The following ABI2 variants were observed in gnomAD, a reference collection of about 807,000 sequenced individuals.
ABI2 encodes abl interactor 2.
In ABI2, 25 loss-of-function variants were observed where a neutral mutation model predicts 59.2. That is an observed-to-expected ratio of 0.42 (90% CI 0.31 to 0.59). The LOEUF is 0.59. ABI2 is among the 20% of genes least tolerant of loss of function. The pLI, the probability that ABI2 is intolerant of heterozygous loss-of-function variation, is 0.14. For synonymous variants in ABI2, 213 were observed against 235.5 expected, an observed-to-expected ratio of 0.90 and a Z score of 0.87; for missense variants, 545 against 681.8, an observed-to-expected ratio of 0.80 and a Z score of 2.23.
At chr2:203,412,405 G>A (rs1323700674) in intron 10 of ABI2, among the ~76,000 whole-genome samples, 2 of 152,134 alleles carry the variant, frequency 1.3e-5, no homozygotes, top group African/African-American at 4.8e-5. Flanking sequence ...TCTAGATGTG[G>A]TTGTATTTTA....
intron 1 of ABI2, among the ~76,000 whole-genome samples, chr2:203,357,440 G>A (rs1419426972): frequency 6.6e-6 from 1 of 152,156 alleles, no homozygotes; most frequent in Non-Finnish European, 1.5e-5. Flanking sequence ...CACAAATGTA[G>A]CAAATACCTA....
chr2:203,366,299 A>G lies in ABI2; in HGVS notation c.118-578A>G, dbSNP rs959686305. Among the ~76,000 whole-genome samples, 3 of 152,174 alleles carry G rather than the reference A, an allele frequency of 2.0e-5. No homozygotes were observed. The South Asian group carries it at 6.2e-4, about 32-fold the overall frequency. On this transcript the variant is annotated intron_variant, in intron 1 of 11. Coordinates refer to ENST00000261018, the MANE Select transcript of ABI2 (RefSeq NM_001375670.1). ...ATGGCAATTTACATCTTTTAGGGTT[A>G]TAACACTTACAATGTTTGGGAAGGA...
At chr2:203,360,382 C>T (rs182578948) in intron 1 of ABI2, among the ~76,000 whole-genome samples, 33 of 151,698 alleles carry the variant, frequency 2.2e-4, no homozygotes, top group Admixed American at 1.4e-3. Flanking sequence ...AAACAAAAGG[C>T]GAAGTGTTGG....
At chr2:203,358,793 TA>T (rs1171836315) in intron 1 of ABI2, among the ~76,000 whole-genome samples, 14 of 152,132 alleles carry the variant, frequency 9.2e-5, no homozygotes, top group Non-Finnish European at 1.5e-5. Context: ...GCAGATCACT[TA>T]AATCCATGAG....
intron 11 of ABI2, 24 bp downstream of exon 11, chr2:203,417,105 A>G (rs745486722): frequency 6.3e-7 from 1 of 1,582,236 alleles, no homozygotes; most frequent in South Asian, 1.2e-5. Flanking sequence ...GGATATCTGG[A>G]TAGATGGGAA....
intron 4 of ABI2, among the ~76,000 whole-genome samples, chr2:203,383,848 G>A (rs1178225940): frequency 6.6e-6 from 1 of 152,044 alleles, no homozygotes; most frequent in Non-Finnish European, 1.5e-5. Context: ...AGACCTAGTC[G>A]TTTTTCTTTC....
At chr2:203,367,690 C>T (rs997693282) in intron 2 of ABI2, among the ~76,000 whole-genome samples, 5 of 152,016 alleles carry the variant, frequency 3.3e-5, no homozygotes, top group African/African-American at 1.2e-4. Context: ...TCCTTGTAAT[C>T]CTTTTTCCTG....
At chr2:203,328,656 G>T (rs1419766276) in intron 1 of ABI2, 25 bp downstream of exon 1, 3 of 1,487,748 alleles carry the variant, frequency 2.0e-6, no homozygotes, top group East Asian at 2.7e-5. Context: ...CAGCTGGGCC[G>T]CGTCGGGGAC....
chr2:203,360,471 T>C (rs1054957110), intron 1 of ABI2, among the ~76,000 whole-genome samples: 2 of 151,990 alleles, frequency 1.3e-5, no homozygotes, highest in Non-Finnish European at 2.9e-5. Flanking sequence ...ACAAATTTGG[T>C]GGTTTGGGAT....
chr2:203,350,921 A>G (rs528547024), intron 1 of ABI2, among the ~76,000 whole-genome samples: 1 of 151,946 alleles, frequency 6.6e-6, no homozygotes, highest in Admixed American at 6.6e-5. Context: ...GGTGTTATAT[A>G]TAAGAAACTA....
At chr2:203,377,848 G>A (rs1037357397) in intron 2 of ABI2, among the ~76,000 whole-genome samples, 1 of 152,214 alleles carries the variant, frequency 6.6e-6, no homozygotes, top group African/African-American at 2.4e-5. Flanking sequence ...CGAGGATGCA[G>A]TGAGCCATGA....
Position 203,402,652 on chromosome 2 carries a change from C to T in ABI2, c.1110C>T (p.Pro370=). The change falls in exon 9 of 12, where the codon CCC becomes CCT. Residue 370 remains proline, a synonymous_variant. Transcript: ENST00000261018. ...CCCCAACAATAGGGGGCTCGTTGCC[C>T]TATAGACGCCCTCCTTCCATTACTT... The part of the protein sequence containing the change: ...HTPPTIGGSL[P]YRRPPSITSQ... 6.2e-7 allele frequency: 1 copy of T among 1,607,484 alleles called. No homozygotes were observed. The highest frequency in any genetic ancestry group is 1.1e-5 in the South Asian group (1 of 89,300).
At chr2:203,381,096 T>TA (rs2153219089) in intron 3 of ABI2, among the ~76,000 whole-genome samples, 1 of 152,300 alleles carries the variant, frequency 6.6e-6, no homozygotes, top group East Asian at 1.9e-4. Flanking sequence ...TACTGTACAG[T>TA]TCATGTAGTT....
rs554769874 is a variant in ABI2, at chr2:203,402,456, G to A, written c.1034-120G>A. 1.3e-3 allele frequency: 929 copies of A among 707,132 alleles called. 4 individuals carry two copies. Among genetic ancestry groups the A allele is most frequent in the Middle Eastern group, 4.4e-3 (12 of 2,744 alleles). 43.8% of individuals were successfully genotyped at this position (707,132 alleles called of 1,614,324 possible). ...AACTCACCTTGCATTGTATATTTCA[G>A]ATACCAGTTAAACTAGCTGTTATTT... On this transcript the variant is annotated intron_variant, in intron 8 of 11. Transcript: ENST00000261018.
Position 203,431,803 on chromosome 2 carries a change from AAAG to A in ABI2, c.*4452_*4454del, listed in dbSNP as rs2153629374. On this transcript the variant is annotated 3_prime_UTR_variant, in exon 12 of 12. Coordinates refer to ENST00000261018, the MANE Select transcript of ABI2 (RefSeq NM_001375670.1). ...TAAGAAAAAAGAAAAACCAACAAAA[AAAG>A]CTTATTTTCACATTAAAATGAAACC... 6.6e-6 allele frequency: 1 copy of A among 152,340 alleles called. No homozygotes were observed. The highest frequency in any genetic ancestry group is 6.5e-5 in the Admixed American group (1 of 15,302). 9.4% of individuals were successfully genotyped at this position (152,340 alleles called of 1,614,324 possible).
At chr2:203,390,048 T>TC (rs2096680406) in intron 4 of ABI2, among the ~76,000 whole-genome samples, 1 of 152,218 alleles carries the variant, frequency 6.6e-6, no homozygotes, top group Admixed American at 6.5e-5. Context: ...GGACATTGCC[T>TC]GTGGCCCTTG....
rs550263269 is a variant in ABI2, at chr2:203,408,540, TA to T, written c.1193-2734del. ...AGAAAAGAAATAAGCATATTCATCT[TA>T]AAAAAAAAAACCTCAGTCTACCCAC... is the stretch of plus-strand genomic sequence containing the variant. On this transcript the variant is annotated intron_variant, in intron 9 of 11. Coordinates refer to ENST00000261018, the MANE Select transcript of ABI2 (RefSeq NM_001375670.1). 3.6e-4 allele frequency among the ~76,000 whole-genome samples: 52 copies of T among 145,380 alleles called. 1 individual carries two copies. The South Asian group carries it at 6.6e-3, about 18-fold the overall frequency.
intron 2 of ABI2, among the ~76,000 whole-genome samples, chr2:203,376,975 A>C (rs375034340): frequency 1.6e-4 from 24 of 152,226 alleles, no homozygotes; most frequent in Non-Finnish European, 1.6e-4. Flanking sequence ...AGTGTAAATA[A>C]TAAGTGGAAG....
intron 9 of ABI2, chr2:203,403,225 A>G (rs975518711): frequency 2.6e-5 from 4 of 152,744 alleles, no homozygotes; most frequent in Admixed American, 1.3e-4. Context: ...TGAATCAGAT[A>G]TAATAATTAC....
Sources: allele counts gnomAD v4.1 joint callset (sites outside exome capture counted in the v4.1 genomes callset), GRCh38; gene constraint gnomAD v4.1.1; transcripts MANE v1.5; gene names NCBI Gene and HGNC (gene_info 2026-07-23, HGNC 2026-07-21).